REV3L: variants seen among roughly 807,000 people sequenced by gnomAD.
REV3L encodes the protein REV3 like, DNA directed polymerase zeta catalytic subunit.
A neutral mutation model predicts 299.4 loss-of-function variants in REV3L; 69 were observed. That is an observed-to-expected ratio of 0.23 (90% confidence interval 0.19 to 0.28). The LOEUF (loss-of-function observed/expected upper bound fraction) is 0.28. Ranked by LOEUF, REV3L falls within the 10% of genes least tolerant of loss-of-function variation. The pLI is 1.00. For synonymous variants in REV3L, 1,238 were observed against 1,271.4 expected (o/e 0.97, Z 0.56); for missense variants, 3,128 against 3,693.8 (o/e 0.85, Z 3.97).
In REV3L at chr6:111,436,159, T is replaced by C. The variant is rs140667589; in HGVS notation, c.140-19687A>G. ...TATCAAAAAGACAATGAATAATGGA[T>C]GCTGGTGAGGATGCGGATAAAGGAG... On this transcript the variant is annotated intron_variant, in intron 1 of 31. Transcript: ENST00000368802. 1.4e-4 allele frequency among the ~76,000 whole-genome samples: 21 copies of C among 152,302 alleles called. No homozygotes were observed. The East Asian group carries it at 4.0e-3, about 29-fold the overall frequency.
chr6:111,468,318 CTACT>C (rs1463431905), intron 1 of REV3L, among the ~76,000 whole-genome samples: 3 of 152,054 alleles, frequency 2.0e-5, no homozygotes, highest in Non-Finnish European at 2.9e-5. Context: ...AAAAAAGATA[CTACT>C]TAAATAAAAA....
chr6:111,453,509 A>T (rs772661125), intron 1 of REV3L, among the ~76,000 whole-genome samples: 1 of 152,178 alleles, frequency 6.6e-6, no homozygotes, highest in Non-Finnish European at 1.5e-5. Flanking sequence ...TAGGAACATC[A>T]TTCTAAGCAG....
intron 1 of REV3L, among the ~76,000 whole-genome samples, chr6:111,458,901 A>G (rs1002808758): frequency 2.6e-4 from 40 of 152,076 alleles, no homozygotes; most frequent in African/African-American, 9.7e-4. Context: ...CAAATTACCA[A>G]TATCATTTTT....
chr6:111,473,046 T>C (rs1479945092), intron 1 of REV3L, among the ~76,000 whole-genome samples: 1 of 152,182 alleles, frequency 6.6e-6, no homozygotes, highest in Non-Finnish European at 1.5e-5. Flanking sequence ...TTTCCTCTTA[T>C]TATCACTATG....
At chr6:111,381,243 A>G (rs552834376) in intron 10 of REV3L, 82 bp downstream of exon 10, 1 of 1,443,710 alleles carries the variant, frequency 6.9e-7, no homozygotes, top group Non-Finnish European at 9.5e-7. Flanking sequence ...TCTTCAAGTC[A>G]ATAAAAAAAA....
rs914734677 is a variant in REV3L at position 111,464,879 on chromosome 6, A to G, written c.139+17871T>C. Among the ~76,000 whole-genome samples, 205 of 151,904 alleles carry G rather than the reference A, an allele frequency of 1.3e-3. 1 individual carries two copies. The highest frequency in any genetic ancestry group is 4.7e-3 in the African/African-American group (193 of 41,492). On this transcript the variant is annotated intron_variant, in intron 1 of 31. Transcript: ENST00000368802. ...TAGCTGGACATGGCAGCGTGCGCCTATAGTCCCAGCTACTTGGGAGGCTGA... is the reference window on the plus strand; with the variant it reads ...TAGCTGGACATGGCAGCGTGCGCCTGTAGTCCCAGCTACTTGGGAGGCTGA...
intron 21 of REV3L, among the ~76,000 whole-genome samples, chr6:111,341,037 A>T (rs1393522631): frequency 1.2e-4 from 10 of 84,900 alleles, no homozygotes; most frequent in Admixed American, 4.1e-4. Flanking sequence ...ATTTCTCCTC[A>T]GCTTTTTTTT....
In REV3L at chr6:111,374,312, A is replaced by G. The variant is rs747507642; in HGVS notation, c.4043T>C (p.Leu1348Pro). Residue 1348 changes from leucine (L) to proline (P), a missense_variant, in exon 13 of 32, where the codon CTA becomes CCA. Leu to Pro is a moderately conservative substitution (Grantham distance 98). This residue lies in a region of REV3L where 2,409 missense variants were observed against 2,611.8 expected (regional missense o/e 0.92). Coordinates refer to ENST00000368802, the MANE Select transcript of REV3L (RefSeq NM_001372078.1). ...TTTTTGAATTAACGTTGATTCCTTT[A>G]GAGTAAACATAGCACTTTGATTATG... ...RPHNQSAMFT[L>P]KESTLIQKNI... The G allele has an allele frequency of 2.5e-6, 4 of 1,614,000 alleles. No individual in the cohort carries two copies. The highest frequency in any genetic ancestry group is 3.4e-6 in the Non-Finnish European group (4 of 1,179,936).
At chr6:111,327,553 CA>C (rs59319946) in intron 25 of REV3L, among the ~76,000 whole-genome samples, 1,611 of 70,482 alleles carry the variant, frequency 0.023, 12 homozygotes, top group African/African-American at 0.049. Context: ...GACGCTGTTT[CA>C]AAAAAAAAAA....
At position 111,344,049 on chromosome 6, in the gene REV3L, A is replaced by G; in HGVS notation, c.7420-6T>C. 1 of 1,575,302 alleles carries G rather than the reference A, an allele frequency of 6.3e-7. No homozygotes were observed. Among genetic ancestry groups the G allele is most frequent in the Admixed American group, 1.8e-5 (1 of 54,912 alleles). ...GTGTAGTTAGTTAGAGCCACCTAAA[A>G]AAAAAGGCAAGACACCATTATAATA... On this transcript the variant is annotated splice_region_variant and splice_polypyrimidine_tract_variant and intron_variant, in intron 20 of 31. Coordinates refer to ENST00000368802, the MANE Select transcript of REV3L (RefSeq NM_001372078.1).
intron 9 of REV3L, among the ~76,000 whole-genome samples, chr6:111,383,109 T>C (rs1278854618): frequency 6.6e-6 from 1 of 152,170 alleles, no homozygotes; most frequent in African/African-American, 2.4e-5. Flanking sequence ...AGGCAGTACT[T>C]GCTGCAGGCC....
Position 111,367,365 on chromosome 6 carries a change from T to C in REV3L, c.6423A>G (p.Gly2141=), listed in dbSNP as rs1478031148. Residue 2141 remains glycine, a synonymous_variant, in exon 14 of 32, where the codon GGA becomes GGG. Transcript: ENST00000368802. ...CTACTGGTGATGAGGGTCTATCATC[T>C]CCATTTAATGCTTTGGAATCTGGGG... The part of the protein sequence containing the change: ...PISPDSKALN[G]DDRPSSPVEE... 2 of 1,607,482 alleles carry C rather than the reference T, an allele frequency of 1.2e-6. No individual in the cohort carries two copies. The highest frequency in any genetic ancestry group is 1.7e-6 in the Non-Finnish European group (2 of 1,177,592).
At chr6:111,365,373 G>A in intron 14 of REV3L, 29 bp from the exon 15 acceptor site, 1 of 1,326,944 alleles carries the variant, frequency 7.5e-7, no homozygotes, top group Non-Finnish European at 1.0e-6. Context: ...TATTTAACAT[G>A]TATATCAAAA....
chr6:111,483,111 T>C lies in REV3L; in HGVS notation c.-223A>G. 1.9e-6 allele frequency: 1 copy of C among 514,890 alleles called. No homozygotes were observed. Among genetic ancestry groups the C allele is most frequent in the Non-Finnish European group, 3.3e-6 (1 of 305,394 alleles). The allele number at this position is 514,890 out of a possible 1,614,324, so 31.9% of individuals were successfully genotyped here. On this transcript the variant is annotated 5_prime_UTR_variant, in exon 1 of 32. Transcript: ENST00000368802. ...GCAAGGGGCCGCAGGAGAGAAGCCC[T>C]CGAGCTTTCGTCGGTGCTGGTGCTG... is the stretch of plus-strand genomic sequence containing the variant.
At chr6:111,456,141 A>G (rs1244539475) in intron 1 of REV3L, among the ~76,000 whole-genome samples, 1 of 152,216 alleles carries the variant, frequency 6.6e-6, no homozygotes, top group Non-Finnish European at 1.5e-5. Context: ...TCGCCTACCA[A>G]TGCATTTCTC....
chr6:111,373,419 T>G lies in REV3L; in HGVS notation c.4936A>C (p.Asn1646His). ...EDSLSPEHNY[N>H]FDINTIGQTG... ...TGACCTATTGTGTTAATATCAAAAT[T>G]ATAATTATGTTCAGGAGATAAACTA... Residue 1646 changes from asparagine (N) to histidine (H), a missense_variant, in exon 13 of 32, where the codon AAT becomes CAT. Physicochemically the swap from Asn to His is moderately conservative, Grantham distance 68. Coordinates refer to ENST00000368802, the MANE Select transcript of REV3L (RefSeq NM_001372078.1). 6.2e-7 allele frequency: 1 copy of G among 1,613,334 alleles called. No homozygotes were observed. Among genetic ancestry groups the G allele is most frequent in the South Asian group, 1.1e-5 (1 of 90,842 alleles).
At chr6:111,369,405 C>G (rs528901779) in intron 13 of REV3L, among the ~76,000 whole-genome samples, 1 of 151,910 alleles carries the variant, frequency 6.6e-6, no homozygotes, top group Non-Finnish European at 1.5e-5. Flanking sequence ...GTATCAAGAG[C>G]CTTAAATTTT....
intron 1 of REV3L, among the ~76,000 whole-genome samples, chr6:111,429,725 C>T (rs562215125): frequency 4.6e-5 from 7 of 152,306 alleles, no homozygotes; most frequent in African/African-American, 1.4e-4. Flanking sequence ...TCGCGGGCCC[C>T]GCTCCCGCCC....
chr6:111,427,101 C>T (rs1329001417), intron 1 of REV3L, among the ~76,000 whole-genome samples: 1 of 152,042 alleles, frequency 6.6e-6, no homozygotes, highest in Non-Finnish European at 1.5e-5. Flanking sequence ...AAAGCAATAT[C>T]AAAAGTTAAT....
Sources: gnomAD v4.1 joint callset for allele counts (sites outside exome capture counted in the v4.1 genomes callset) on GRCh38, gnomAD v4.1.1 for gene constraint, gnomAD v4.1.1 regional missense constraint, MANE v1.5 for transcripts, NCBI Gene and HGNC (gene_info 2026-07-23, HGNC 2026-07-21) for gene names.